The following TRIM38 variants were observed in gnomAD, a reference collection of about 807,000 sequenced individuals.
The protein encoded by TRIM38 is E3 ubiquitin-protein ligase TRIM38.
In TRIM38, 35 loss-of-function variants were observed where a neutral mutation model predicts 35.8. The observed-to-expected ratio is 0.98, with a 90% CI of 0.75 to 1.30. The LOEUF (loss-of-function observed/expected upper bound fraction) is 1.30, where lower values mean the gene tolerates loss of function less well. Ranked by LOEUF, TRIM38 falls within the 50% of genes most tolerant of loss-of-function variation. The pLI is 0.00. For synonymous variants in TRIM38, 198 were observed against 204.7 expected, an observed-to-expected ratio of 0.97 and a Z score of 0.28; for missense variants, 545 against 556.9, an observed-to-expected ratio of 0.98 and a Z score of 0.21.
chr6:25,964,763 A>G (rs970670112), intron 2 of TRIM38, among the ~76,000 whole-genome samples: 11 of 151,964 alleles, frequency 7.2e-5, no homozygotes, highest in Non-Finnish European at 1.0e-4. Context: ...AGATCACCCA[A>G]TTGCATAAGT....
rs1760367465 is a variant in TRIM38 at position 25,975,601 on chromosome 6, ATCAG to A, written c.874+2320_874+2323del. 6.1e-6 allele frequency: 6 copies of A among 981,812 alleles called. No homozygotes were observed. In the African/African-American group the frequency reaches 8.8e-5, roughly 14 times the overall value. The allele number at this position is 981,812 out of a possible 1,614,324, so 60.8% of individuals were successfully genotyped here. ...AAGCAGATGCAACAAATACATTTTA[ATCAG>A]TCAAACAATATAAAGGATATAAGGA... On this transcript the variant is annotated intron_variant, in intron 7 of 7. Transcript: ENST00000357085.
chr6:25,964,157 C>T (rs1759945202), intron 2 of TRIM38, among the ~76,000 whole-genome samples: 1 of 152,114 alleles, frequency 6.6e-6, no homozygotes, highest in African/African-American at 2.4e-5. Flanking sequence ...GCTAGAATCA[C>T]AGAGTGATTA....
chr6:25,967,228 A>G (rs1050595192), intron 3 of TRIM38, among the ~76,000 whole-genome samples: 1 of 152,174 alleles, frequency 6.6e-6, no homozygotes, highest in Admixed American at 6.5e-5. Context: ...CTTGTTTCAC[A>G]CCATGAATAT....
intron 7 of TRIM38, among the ~76,000 whole-genome samples, chr6:25,976,704 T>C (rs1445972864): frequency 6.6e-6 from 1 of 152,238 alleles, no homozygotes; most frequent in Non-Finnish European, 1.5e-5. Context: ...GTCCCGTAAA[T>C]GTTCCCTCCA....
chr6:25,964,723 TC>T (rs1486000057), intron 2 of TRIM38, among the ~76,000 whole-genome samples: 1 of 151,928 alleles, frequency 6.6e-6, no homozygotes, highest in African/African-American at 2.4e-5. Flanking sequence ...GGGGTGAAGC[TC>T]CCCATACTCC....
intron 7 of TRIM38, chr6:25,973,795 A>G (rs1319912639): frequency 1.0e-6 from 1 of 985,454 alleles, no homozygotes; most frequent in Non-Finnish European, 1.2e-6. Flanking sequence ...GATAACACAG[A>G]TGACAAATGT....
At chr6:25,970,019 G>A (rs1339094874) in intron 4 of TRIM38, among the ~76,000 whole-genome samples, 6 of 152,132 alleles carry the variant, frequency 3.9e-5, no homozygotes, top group Non-Finnish European at 8.8e-5. Flanking sequence ...CCGGGTTCAA[G>A]CAATTCCCCT....
intron 7 of TRIM38, chr6:25,975,687 C>A (rs1297237877): frequency 1.0e-6 from 1 of 977,818 alleles, no homozygotes; most frequent in East Asian, 1.1e-4. Context: ...GTAGGGTGAT[C>A]TATATCTTTC....
chr6:25,977,042 T>C (rs1366454510), intron 7 of TRIM38, among the ~76,000 whole-genome samples: 3 of 152,242 alleles, frequency 2.0e-5, no homozygotes, highest in African/African-American at 7.2e-5. Flanking sequence ...GTTCTTTTCC[T>C]TATTGATTTA....
chr6:25,983,076 C>A, intron 7 of TRIM38, 88 bp from the exon 8 acceptor site: 1 of 1,337,172 alleles, frequency 7.5e-7, no homozygotes, highest in Non-Finnish European at 1.0e-6. Flanking sequence ...GTGACAGCAA[C>A]ACTCCATCTC....
chr6:25,966,309 C>G (rs1209457423), intron 2 of TRIM38, 26 bp from the exon 3 acceptor site: 2 of 499,916 alleles, frequency 4.0e-6, no homozygotes, highest in African/African-American at 3.9e-5. Flanking sequence ...GCCCAAACAA[C>G]CTCAGCCTCA....
intron 7 of TRIM38, among the ~76,000 whole-genome samples, chr6:25,980,092 C>T (rs1760502746): frequency 6.6e-6 from 1 of 152,126 alleles, no homozygotes; most frequent in Non-Finnish European, 1.5e-5. Context: ...AGTGCATGTT[C>T]CATCTATACC....
In TRIM38 at chr6:25,969,420, A is replaced by AG. The variant is rs756468366; in HGVS notation, c.507+1dup. 6.2e-7 allele frequency: 1 copy of AG among 1,605,370 alleles called. No homozygotes were observed. Among genetic ancestry groups the AG allele is most frequent in the South Asian group, 1.1e-5 (1 of 88,924 alleles). On this transcript the variant is annotated frameshift_variant and splice_region_variant. Transcript: ENST00000357085. LOFTEE classifies it high-confidence loss of function. ...CAGCAATGCGAATAACTAAATGGAA[A>AG]GTAAGAATCTGACTTCATTGATCTC...
chr6:25,968,681 T>C (rs557419586), intron 3 of TRIM38, among the ~76,000 whole-genome samples: 5 of 152,232 alleles, frequency 3.3e-5, no homozygotes, highest in Non-Finnish European at 7.3e-5. Context: ...CAGCTTCAAA[T>C]CACTTTCAAT....
chr6:25,980,438 T>TG (rs1760512758), intron 7 of TRIM38, among the ~76,000 whole-genome samples: 1 of 151,684 alleles, frequency 6.6e-6, no homozygotes. Flanking sequence ...TTTTTTTTTT[T>TG]GAGACAGAAT....
chr6:25,983,777 G>T lies in TRIM38; in HGVS notation c.*90G>T, dbSNP rs2113623815. The T allele has an allele frequency of 8.0e-7, 1 of 1,248,118 alleles. No homozygotes were observed. 77.3% of individuals were successfully genotyped at this position (1,248,118 alleles called of 1,614,324 possible). ...AGACGTTTGGTCTGTTTTCTTCGCT[G>T]TCATTTCCTTAGTAGTTAGACTAGT... is the stretch of plus-strand genomic sequence containing the variant. On this transcript the variant is annotated 3_prime_UTR_variant, in exon 8 of 8. Coordinates refer to ENST00000357085, the MANE Select transcript of TRIM38 (RefSeq NM_006355.5).
intron 4 of TRIM38, among the ~76,000 whole-genome samples, chr6:25,971,197 G>A (rs945946000): frequency 7.9e-5 from 12 of 152,110 alleles, no homozygotes; most frequent in Non-Finnish European, 5.9e-5. Context: ...TTTGAACTTG[G>A]CCCTAGTTTC....
At chr6:25,971,510 T>C (rs1211065119) in intron 4 of TRIM38, among the ~76,000 whole-genome samples, 1 of 152,228 alleles carries the variant, frequency 6.6e-6, no homozygotes, top group African/African-American at 2.4e-5. Flanking sequence ...TGCTTTTACA[T>C]TGTTACATTG....
chr6:25,965,311 A>T (rs1002224959), intron 2 of TRIM38, among the ~76,000 whole-genome samples: 1 of 152,216 alleles, frequency 6.6e-6, no homozygotes, highest in Non-Finnish European at 1.5e-5. Context: ...AGCAATCAAA[A>T]TGTGGCAACT....
Sources: allele counts gnomAD v4.1 joint callset (sites outside exome capture counted in the v4.1 genomes callset), GRCh38; gene constraint gnomAD v4.1.1; transcripts MANE v1.5; gene names NCBI Gene and HGNC (gene_info 2026-07-23, HGNC 2026-07-21).